The following ADAMTS9 variants were observed in gnomAD, a reference collection of about 807,000 sequenced individuals.
The protein encoded by ADAMTS9 is A disintegrin and metalloproteinase with thrombospondin motifs 9.
In ADAMTS9, 107 loss-of-function variants were observed where a neutral mutation model predicts 257.1. The ratio of observed to expected loss-of-function variants is 0.42; its 90% CI spans 0.36 to 0.49. The LOEUF (loss-of-function observed/expected upper bound fraction) is 0.49, where lower values mean the gene tolerates loss of function less well. Among genes scored for constraint, ADAMTS9 ranks in the 20% least tolerant of loss-of-function variants. ADAMTS9 has a pLI of 0.03. For synonymous variants in ADAMTS9, 982 were observed against 880.9 expected (o/e 1.11, Z -2.03); for missense variants, 2,353 against 2,469.1 (o/e 0.95, Z 1.00).
chr3:64,674,609 G>T (rs1225815756), intron 3 of ADAMTS9, among the ~76,000 whole-genome samples: 1 of 152,182 alleles, frequency 6.6e-6, no homozygotes, highest in African/African-American at 2.4e-5. Context: ...GGCTGAAAGG[G>T]TCTAAGAATG....
At chr3:64,604,656 T>C (rs747511775) in intron 23 of ADAMTS9, among the ~76,000 whole-genome samples, 9 of 152,348 alleles carry the variant, frequency 5.9e-5, no homozygotes, top group Middle Eastern at 3.4e-3. Flanking sequence ...AGGATATCAT[T>C]TTAAAATCAT....
At position 64,568,412 on chromosome 3, in the gene ADAMTS9, G is replaced by C; in HGVS notation, c.4480C>G (p.Arg1494Gly). The C allele has an allele frequency of 1.2e-6, 2 of 1,612,576 alleles. No homozygotes were observed. The highest frequency in any genetic ancestry group is 1.1e-5 in the South Asian group (1 of 90,634). ...TTCCATTTGGGGCATCTTCCTCCTC[G>C]GCACTTTCTGTGCCCATGTGGCTTA... ...LAKPHGHRKCRGGRCPKWKAG... is the reference protein window; with the variant it reads ...LAKPHGHRKCGGGRCPKWKAG... The change falls in exon 29 of 40, where the codon CGA becomes GGA. Residue 1494 changes from arginine (R) to glycine (G), a missense_variant. Around this residue, in one of 3 missense-constraint regions of ADAMTS9, gnomAD observed 1,402 missense variants for 1,441.4 expected, o/e 0.97. Coordinates refer to ENST00000498707, the MANE Select transcript of ADAMTS9 (RefSeq NM_182920.2).
chr3:64,542,228 C>T (rs1321168123), intron 32 of ADAMTS9, among the ~76,000 whole-genome samples: 1 of 133,464 alleles, frequency 7.5e-6, no homozygotes, highest in African/African-American at 2.5e-5. Context: ...TTTACACACA[C>T]ACACACACAC....
intron 28 of ADAMTS9, among the ~76,000 whole-genome samples, chr3:64,584,970 T>C (rs996507879): frequency 6.6e-6 from 1 of 152,152 alleles, no homozygotes; most frequent in African/African-American, 2.4e-5. Context: ...ATGATTCCCT[T>C]CTACCAGTTA....
intron 28 of ADAMTS9, among the ~76,000 whole-genome samples, chr3:64,571,487 G>C (rs2083683838): frequency 6.6e-6 from 1 of 152,168 alleles, no homozygotes; most frequent in Admixed American, 6.5e-5. Context: ...ATTGCTAATG[G>C]AATGAAGATG....
intron 29 of ADAMTS9, among the ~76,000 whole-genome samples, chr3:64,567,487 A>G (rs1226694397): frequency 6.6e-6 from 1 of 152,178 alleles, no homozygotes; most frequent in Non-Finnish European, 1.5e-5. Context: ...CAACCAAACT[A>G]AGAAAATGTG....
At chr3:64,643,086 C>T (rs116404612) in intron 11 of ADAMTS9, among the ~76,000 whole-genome samples, 1,567 of 152,268 alleles carry the variant, frequency 0.01, 29 homozygotes, top group African/African-American at 0.036. Flanking sequence ...TTTCCCTGGG[C>T]TGTTTGGCTG....
Position 64,541,340 on chromosome 3 carries a change from G to A in ADAMTS9, c.5367C>T (p.Phe1789=). The change falls in exon 35 of 40, where the codon TTC becomes TTT. Residue 1789 remains phenylalanine (F), a synonymous_variant. Coordinates refer to ENST00000498707, the MANE Select transcript of ADAMTS9 (RefSeq NM_182920.2). ...VTLVHGDSEN[F]SEVYGHRLHN... ...CCTACCTGTGCCCATAAACCTCGGAGAAATTCTCAGAGTCTCCATGCACCA... is the reference window on the plus strand; with the variant it reads ...CCTACCTGTGCCCATAAACCTCGGAAAAATTCTCAGAGTCTCCATGCACCA... The A allele has an allele frequency of 6.2e-7, 1 of 1,614,170 alleles. No homozygotes were observed. Among genetic ancestry groups the A allele is most frequent in the Non-Finnish European group, 8.5e-7 (1 of 1,180,026 alleles).
Position 64,687,746 on chromosome 3 carries a change from A to T in ADAMTS9, c.-89T>A. On this transcript the variant is annotated 5_prime_UTR_variant, in exon 1 of 40. Transcript: ENST00000498707. This position sits in a 1 kb window ranked among gnomAD's most constrained non-coding sequence, Gnocchi z 4.4. ...CGGCGACGCGAGGCAGCGGCCGTGGAGAGCGCGCGGAGCCCGGCGCCCGCC... is the reference window on the plus strand; with the variant it reads ...CGGCGACGCGAGGCAGCGGCCGTGGTGAGCGCGCGGAGCCCGGCGCCCGCC... The T allele has an allele frequency of 9.1e-7, 1 of 1,095,506 alleles. No individual in the cohort carries two copies. The highest frequency in any genetic ancestry group is 1.2e-6 in the Non-Finnish European group (1 of 806,300). 67.9% of individuals were successfully genotyped at this position (1,095,506 alleles called of 1,614,324 possible). A position where few individuals can be genotyped will look rare whatever the true frequency, so the allele number is the denominator to read the frequency against.
In ADAMTS9 at chr3:64,629,446, G is replaced by A. The variant is rs969888646; in HGVS notation, c.2389+2009C>T. On this transcript the variant is annotated intron_variant, in intron 16 of 39. Transcript: ENST00000498707. Reference sequence around the variant, plus strand: ...TGTCCTCTGTGCTCACTTGGCAACAGCCATACTGCCTCCGTCTTCCCTACT... The same window carrying A: ...TGTCCTCTGTGCTCACTTGGCAACAACCATACTGCCTCCGTCTTCCCTACT... Among the ~76,000 whole-genome samples the A allele has an allele frequency of 2.0e-5, 3 of 152,286 alleles. No homozygotes were observed. The East Asian group carries it at 5.8e-4, about 29-fold the overall frequency.
intron 28 of ADAMTS9, chr3:64,587,891 G>A (rs1271457306): frequency 6.6e-6 from 1 of 152,128 alleles, no homozygotes; most frequent in Non-Finnish European, 1.5e-5. Flanking sequence ...AAATAACAAA[G>A]GGAAAAAGTA....
At chr3:64,629,574 A>G (rs748931387) in intron 16 of ADAMTS9, among the ~76,000 whole-genome samples, 1 of 152,208 alleles carries the variant, frequency 6.6e-6, no homozygotes, top group African/African-American at 2.4e-5. Context: ...TACTGTCCAC[A>G]TCTCACCCTT....
At chr3:64,556,211 G>T (rs910593600) in intron 30 of ADAMTS9, among the ~76,000 whole-genome samples, 5 of 152,216 alleles carry the variant, frequency 3.3e-5, no homozygotes, top group Non-Finnish European at 7.3e-5. Flanking sequence ...GAGGTGAGCA[G>T]TTCTGCAACA....
intron 37 of ADAMTS9, among the ~76,000 whole-genome samples, chr3:64,535,537 C>CTTA: frequency 7.8e-6 from 1 of 128,656 alleles, no homozygotes; most frequent in Non-Finnish European, 1.6e-5. Flanking sequence ...TGGCCATTTT[C>CTTA]TTTTCTTTTC....
intron 28 of ADAMTS9, among the ~76,000 whole-genome samples, chr3:64,580,213 A>T (rs12486299): frequency 0.18 from 27,090 of 152,206 alleles, 2,919 homozygotes; most frequent in Non-Finnish European, 0.24. Context: ...GGCTGGAAAC[A>T]TCTAAAAGCA....
intron 37 of ADAMTS9, among the ~76,000 whole-genome samples, chr3:64,536,742 C>A (rs1293695060): frequency 6.6e-6 from 1 of 152,170 alleles, no homozygotes; most frequent in Non-Finnish European, 1.5e-5. Context: ...ATACTGAGTA[C>A]AGTGACTAAA....
At chr3:64,585,188 G>A (rs2084116181) in intron 28 of ADAMTS9, among the ~76,000 whole-genome samples, 1 of 152,154 alleles carries the variant, frequency 6.6e-6, no homozygotes, top group Non-Finnish European at 1.5e-5. Context: ...CACTTAAAAT[G>A]TGTTGGCTCT....
intron 9 of ADAMTS9, chr3:64,650,779 T>A (rs1014295264): frequency 9.5e-6 from 4 of 421,908 alleles, no homozygotes; most frequent in African/African-American, 8.4e-5. Context: ...CATTTCCACA[T>A]CCTCTTTAAG....
intron 19 of ADAMTS9, 110 bp downstream of exon 19, chr3:64,621,004 A>G: frequency 7.4e-7 from 1 of 1,359,032 alleles, no homozygotes; most frequent in South Asian, 1.4e-5. Context: ...ACTGAAACAC[A>G]AGAAAGGGGA....
Sources: gnomAD v4.1 joint callset for allele counts (sites outside exome capture counted in the v4.1 genomes callset) on GRCh38, gnomAD v4.1.1 for gene constraint, gnomAD v4.1.1 regional missense constraint, Gnocchi (gnomAD v3.1) non-coding constraint, MANE v1.5 for transcripts, NCBI Gene and HGNC (gene_info 2026-07-23, HGNC 2026-07-21) for gene names.